The following SPG11 variants were observed in gnomAD, a reference collection of about 807,000 sequenced individuals.
SPG11 encodes the protein SPG11 vesicle trafficking associated, spatacsin.
A neutral mutation model predicts 274.0 loss-of-function variants in SPG11; 222 were observed. That is an observed-to-expected ratio of 0.81 (90% CI 0.73 to 0.91). SPG11 has a LOEUF of 0.91. Ranked by LOEUF, SPG11 falls within the 40% of genes least tolerant of loss-of-function variation. The pLI, the probability that SPG11 is intolerant of heterozygous loss-of-function variation, is 0.00. For synonymous variants in SPG11, 1,144 were observed against 1,039.7 expected (o/e 1.10, Z -1.93); for missense variants, 3,114 against 2,872.7 (o/e 1.08, Z -1.92).
Position 44,649,200 on chromosome 15 carries a change from TG to T in SPG11, c.1457-190del, listed in dbSNP as rs35146282. On this transcript the variant is annotated intron_variant, in intron 6 of 39. Coordinates refer to ENST00000261866, the MANE Select transcript of SPG11 (RefSeq NM_025137.4). ...TCAACATTTTTATAGGCGAGTTTTGTGGGTTTTTCCTTTTTAGAGACAGAGT... is the reference window on the plus strand; with the variant it reads ...TCAACATTTTTATAGGCGAGTTTTGTGGTTTTTCCTTTTTAGAGACAGAGT... 0.011 allele frequency among the ~76,000 whole-genome samples: 1,620 copies of T among 152,154 alleles called. 34 individuals are homozygous for T. Among genetic ancestry groups the T allele is most frequent in the African/African-American group, 0.037 (1,554 of 41,490 alleles).
chr15:44,628,460 GAGCCTACCCTT>G (rs2083964884), intron 10 of SPG11, among the ~76,000 whole-genome samples, 198 bp downstream of exon 10: 1 of 152,174 alleles, frequency 6.6e-6, no homozygotes, highest in Admixed American at 6.5e-5. Context: ...CATTAAGAGG[GAGCCTACCCTT>G]ATAGCGAATT....
At chr15:44,575,230 C>T (rs2082510050) in intron 30 of SPG11, 189 bp from the exon 31 acceptor site, 6 of 646,880 alleles carry the variant, frequency 9.3e-6, no homozygotes, top group Admixed American at 8.3e-5. Flanking sequence ...GAAATCCCAC[C>T]CTGGGATACT....
chr15:44,574,576 A>C (rs2082494320), intron 31 of SPG11, among the ~76,000 whole-genome samples: 1 of 152,136 alleles, frequency 6.6e-6, no homozygotes, highest in Non-Finnish European at 1.5e-5. Context: ...TGCTCCACAC[A>C]ATCATAATGC....
At position 44,621,950 on chromosome 15, in the gene SPG11, T is replaced by C. The variant is rs933216011; in HGVS notation, c.2445-16A>G. On this transcript the variant is annotated splice_polypyrimidine_tract_variant and intron_variant, in intron 13 of 39. Coordinates refer to ENST00000261866, the MANE Select transcript of SPG11 (RefSeq NM_025137.4). ...TATCCAGTACCTAAAAACAGTGATA[T>C]AAATTTTTTTTTTTTTAATTTTGGA... The C allele has an allele frequency of 1.2e-5, 19 of 1,585,300 alleles. No individual in the cohort carries two copies. The highest frequency in any genetic ancestry group is 1.6e-5 in the Non-Finnish European group (19 of 1,166,884).
chr15:44,587,725 T>C (rs1227449708), intron 28 of SPG11, among the ~76,000 whole-genome samples: 2 of 144,216 alleles, frequency 1.4e-5, no homozygotes, highest in African/African-American at 2.8e-5. Flanking sequence ...AAAAAACGTA[T>C]TCCTGTTCTC....
intron 20 of SPG11, among the ~76,000 whole-genome samples, chr15:44,602,529 A>G (rs2083221012): frequency 6.7e-6 from 1 of 149,208 alleles, no homozygotes; most frequent in South Asian, 2.1e-4. Flanking sequence ...CCCAGGCTGG[A>G]GTGCAATAGC....
chr15:44,581,483 A>T (rs1481309287), intron 30 of SPG11, among the ~76,000 whole-genome samples: 1 of 152,036 alleles, frequency 6.6e-6, no homozygotes, highest in African/African-American at 2.4e-5. Context: ...CTGGAATTAC[A>T]GGTGTGAGCC....
At chr15:44,639,214 G>C (rs963622771) in intron 7 of SPG11, among the ~76,000 whole-genome samples, 6 of 151,310 alleles carry the variant, frequency 4.0e-5, no homozygotes, top group African/African-American at 1.5e-4. Flanking sequence ...TCATAGCAGG[G>C]AACATAAGGG....
chr15:44,620,152 A>G (rs2083701012), intron 15 of SPG11, 38 bp downstream of exon 15: 1 of 1,496,582 alleles, frequency 6.7e-7, no homozygotes, highest in East Asian at 2.3e-5. Context: ...CTTCCCTTGT[A>G]TTCTTCCCAT....
At chr15:44,608,145 T>C (rs988070812) in intron 19 of SPG11, among the ~76,000 whole-genome samples, 6 of 152,228 alleles carry the variant, frequency 3.9e-5, no homozygotes, top group African/African-American at 1.4e-4. Context: ...CTATACTCTA[T>C]GTTCCTGGTT....
rs142519019 is a variant in SPG11 at position 44,641,017 on chromosome 15, C to T, written c.1603-7380G>A. ...TGCTGGGATTACAGGCGTGAGCCACCGCACCCAGCCAGGACTTTTCAAAAA... is the reference window on the plus strand; with the variant it reads ...TGCTGGGATTACAGGCGTGAGCCACTGCACCCAGCCAGGACTTTTCAAAAA... On this transcript the variant is annotated intron_variant, in intron 7 of 39. Coordinates refer to ENST00000261866, the MANE Select transcript of SPG11 (RefSeq NM_025137.4). Among the ~76,000 whole-genome samples, 247 of 152,244 alleles carry T rather than the reference C, an allele frequency of 1.6e-3. 8 individuals carry two copies. In the East Asian group the frequency reaches 0.044, roughly 27 times the overall value.
chr15:44,596,433 T>C (rs1402604970), intron 24 of SPG11, 78 bp from the exon 25 acceptor site: 21 of 1,521,344 alleles, frequency 1.4e-5, no homozygotes, highest in Admixed American at 3.5e-5. Flanking sequence ...GAGAAAAGCA[T>C]AGACAAAATT....
intron 30 of SPG11, among the ~76,000 whole-genome samples, chr15:44,579,925 T>C (rs1448811909): frequency 6.6e-6 from 1 of 152,208 alleles, no homozygotes; most frequent in Admixed American, 6.5e-5. Context: ...TAAATAAATT[T>C]AGTGTAGCCT....
intron 16 of SPG11, among the ~76,000 whole-genome samples, chr15:44,614,161 T>C (rs778121831): frequency 4.6e-5 from 7 of 152,344 alleles, no homozygotes; most frequent in Non-Finnish European, 1.0e-4. Context: ...CCAGTAGCTA[T>C]GGAGACAACA....
rs2083010928 is a variant in SPG11, at chr15:44,595,455, G to C, written c.4439C>G (p.Ala1480Gly). Residue 1480 changes from alanine to glycine, a missense_variant, in exon 26 of 40, where the codon GCC becomes GGC. By Grantham distance (60) the Ala-to-Gly change is moderately conservative. Coordinates refer to ENST00000261866, the MANE Select transcript of SPG11 (RefSeq NM_025137.4). ...LSVLASCLQGASAISCLCVWI... is the reference protein window; with the variant it reads ...LSVLASCLQGGSAISCLCVWI... The stretch of plus-strand genomic sequence containing the variant: ...AACACAGAGACAAGAAATGGCACTG[G>C]CACCCTGCCACGGGATAAATAAAAT... 6.2e-7 allele frequency: 1 copy of C among 1,613,946 alleles called. No homozygotes were observed. Among genetic ancestry groups the C allele is most frequent in the Non-Finnish European group, 8.5e-7 (1 of 1,179,962 alleles).
At chr15:44,642,780 G>C (rs1358983435) in intron 7 of SPG11, among the ~76,000 whole-genome samples, 1 of 151,956 alleles carries the variant, frequency 6.6e-6, no homozygotes, top group African/African-American at 2.4e-5. Flanking sequence ...TGAGGCAGGA[G>C]GATCACTTGA....
chr15:44,652,128 C>T lies in SPG11; in HGVS notation c.1007+1G>A, dbSNP rs1394383021. The stretch of plus-strand genomic sequence containing the variant: ...ACTACATGAAAAGGAAGTTTCTGTA[C>T]CTATCAATTTGGAAGGAAAACTTGG... On this transcript the variant is annotated splice_donor_variant, in intron 5 of 39. Transcript: ENST00000261866. LOFTEE classifies it high-confidence loss of function. 1.9e-6 allele frequency: 3 copies of T among 1,613,928 alleles called. No individual in the cohort carries two copies. In the Admixed American group the frequency reaches 5.0e-5, roughly 27 times the overall value.
intron 7 of SPG11, among the ~76,000 whole-genome samples, chr15:44,641,249 C>G (rs2141078320): frequency 6.6e-6 from 1 of 151,788 alleles, no homozygotes; most frequent in East Asian, 1.9e-4. Context: ...GAGCTGAGAT[C>G]TCTCCACTGC....
In SPG11 at chr15:44,580,650, G is replaced by A. The variant is rs182381625; in HGVS notation, c.5866+3164C>T. On this transcript the variant is annotated intron_variant, in intron 30 of 39. Transcript: ENST00000261866. ...AATACAAAATACAAAAATTAGCTGGGTGTGGTGATGCACGCCTGTAGTCCC... is the reference window on the plus strand; with the variant it reads ...AATACAAAATACAAAAATTAGCTGGATGTGGTGATGCACGCCTGTAGTCCC... Among the ~76,000 whole-genome samples the A allele has an allele frequency of 2.6e-3, 399 of 152,294 alleles. 5 individuals are homozygous for A. Among genetic ancestry groups the A allele is most frequent in the Non-Finnish European group, 4.6e-3 (312 of 68,026 alleles).
Sources: gnomAD v4.1 joint callset for allele counts (sites outside exome capture counted in the v4.1 genomes callset) on GRCh38, gnomAD v4.1.1 for gene constraint, MANE v1.5 for transcripts, NCBI Gene and HGNC (gene_info 2026-07-23, HGNC 2026-07-21) for gene names.